TINAG: variants seen among roughly 807,000 people sequenced by gnomAD.
TINAG encodes tubulointerstitial nephritis antigen.
A neutral mutation model predicts 72.7 loss-of-function variants in TINAG; 83 were observed. That is an observed-to-expected ratio of 1.14 (90% confidence interval 0.96 to 1.37). The LOEUF is 1.37. Ranked by LOEUF, TINAG falls within the 40% of genes most tolerant of loss-of-function variation. The pLI, the probability that TINAG is intolerant of heterozygous loss-of-function variation, is 0.00. For missense variants in TINAG, 685 were observed against 576.6 expected (o/e 1.19, Z -1.93); for synonymous variants, 234 against 189.9 (o/e 1.23, Z -1.91).
intron 9 of TINAG, among the ~76,000 whole-genome samples, chr6:54,361,194 A>G (rs1299372168): frequency 6.6e-6 from 1 of 151,420 alleles, no homozygotes; most frequent in Non-Finnish European, 1.5e-5. Context: ...TCCCTTAGAC[A>G]CAACAATATT....
intron 9 of TINAG, among the ~76,000 whole-genome samples, chr6:54,361,535 C>A (rs1488059187): frequency 6.6e-6 from 1 of 151,666 alleles, no homozygotes; most frequent in South Asian, 2.1e-4. Flanking sequence ...AGGGGGAGAT[C>A]CACTCCTATG....
At chr6:54,365,049 T>C (rs1467177677) in intron 9 of TINAG, among the ~76,000 whole-genome samples, 1 of 151,556 alleles carries the variant, frequency 6.6e-6, no homozygotes, top group Admixed American at 6.6e-5. Context: ...CTAAGCTGAA[T>C]TTTCATGCTA....
chr6:54,363,051 C>A lies in TINAG; in HGVS notation c.1250+8415C>A, dbSNP rs527831226. 3.6e-4 allele frequency among the ~76,000 whole-genome samples: 55 copies of A among 151,614 alleles called. No homozygotes were observed. The South Asian group carries it at 0.011, about 31-fold the overall frequency. ...AGAAACGTCGCTGAGGAAGTAAAGT[C>A]TGAGCTGGGATTTATGGGTTGTATA... On this transcript the variant is annotated intron_variant, in intron 9 of 10. Transcript: ENST00000259782.
chr6:54,355,610 CTG>C (rs758278051), intron 9 of TINAG, among the ~76,000 whole-genome samples: 1 of 151,728 alleles, frequency 6.6e-6, no homozygotes, highest in East Asian at 2.0e-4. Context: ...AATTTTATGA[CTG>C]TGCTGATTTC....
intron 3 of TINAG, among the ~76,000 whole-genome samples, chr6:54,325,682 G>A (rs1784587373): frequency 6.6e-6 from 1 of 152,144 alleles, no homozygotes; most frequent in African/African-American, 2.4e-5. Flanking sequence ...CTGACCTGAT[G>A]TTTGAAAACT....
At position 54,322,663 on chromosome 6, in the gene TINAG, C is replaced by T. The variant is rs998621038; in HGVS notation, c.509+1277C>T. Among the ~76,000 whole-genome samples, 4 of 152,116 alleles carry T rather than the reference C, an allele frequency of 2.6e-5. No individual in the cohort carries two copies. In the South Asian group the frequency reaches 8.3e-4, roughly 32 times the overall value. Reference sequence around the variant, plus strand: ...ATGTATTCAAAGTTTTTTCTTGGAACATACAAAACATAGAAAGTCACATTT... The same window carrying T: ...ATGTATTCAAAGTTTTTTCTTGGAATATACAAAACATAGAAAGTCACATTT... On this transcript the variant is annotated intron_variant, in intron 3 of 10. Transcript: ENST00000259782.
At chr6:54,347,084 A>G (rs1785140519) in intron 5 of TINAG, among the ~76,000 whole-genome samples, 1 of 152,126 alleles carries the variant, frequency 6.6e-6, no homozygotes, top group South Asian at 2.1e-4. Flanking sequence ...TTCCTTAATG[A>G]GGAGTTCAGG....
At chr6:54,373,439 C>CT (rs1442204568) in intron 9 of TINAG, among the ~76,000 whole-genome samples, 1 of 152,074 alleles carries the variant, frequency 6.6e-6, no homozygotes, top group African/African-American at 2.4e-5. Context: ...TGATTCTACT[C>CT]TTTTTCTGCC....
chr6:54,327,557 GT>G lies in TINAG; in HGVS notation c.624+651del, dbSNP rs368218609. On this transcript the variant is annotated intron_variant, in intron 4 of 10. Coordinates refer to ENST00000259782, the MANE Select transcript of TINAG (RefSeq NM_014464.4). The stretch of plus-strand genomic sequence containing the variant: ...GGCAGACACTGAACTAGCTGCAGGA[GT>G]TTTTTTTTTCATACCCCAGTAGTGC... 2.8e-3 allele frequency among the ~76,000 whole-genome samples: 427 copies of G among 150,084 alleles called. 1 individual carries two copies. Among genetic ancestry groups the G allele is most frequent in the Non-Finnish European group, 4.5e-3 (306 of 67,284 alleles).
At chr6:54,349,583 C>T in intron 6 of TINAG, 133 bp from the exon 7 acceptor site, 1 of 680,706 alleles carries the variant, frequency 1.5e-6, no homozygotes, top group Non-Finnish European at 2.2e-6. Context: ...TGGAGTCACT[C>T]ACTATTTTGA....
intron 9 of TINAG, among the ~76,000 whole-genome samples, chr6:54,359,441 T>C (rs1763158217): frequency 6.6e-6 from 1 of 151,844 alleles, no homozygotes. Flanking sequence ...CCTCCTTTGA[T>C]TTATTAGAAC....
At chr6:54,343,387 T>C (rs773865739) in intron 5 of TINAG, 38 bp downstream of exon 5, 2 of 1,427,610 alleles carry the variant, frequency 1.4e-6, no homozygotes, top group African/African-American at 1.5e-5. Context: ...TATAAACTAC[T>C]CCTTTTGGCT....
chr6:54,380,511 T>C lies in TINAG; in HGVS notation c.1251-15T>C. The C allele has an allele frequency of 6.2e-7, 1 of 1,604,372 alleles. No homozygotes were observed. Among genetic ancestry groups the C allele is most frequent in the South Asian group, 1.1e-5 (1 of 90,076 alleles). The stretch of plus-strand genomic sequence containing the variant: ...TTTTAACCATACCAATCTTTATTAT[T>C]GTTATTAATTGTAGATGGGGCACAC... On this transcript the variant is annotated splice_polypyrimidine_tract_variant and intron_variant, in intron 9 of 10. Transcript: ENST00000259782.
intron 9 of TINAG, among the ~76,000 whole-genome samples, chr6:54,375,261 C>G (rs1763745610): frequency 6.6e-6 from 1 of 152,004 alleles, no homozygotes; most frequent in Non-Finnish European, 1.5e-5. Flanking sequence ...TTCAGAATTT[C>G]TTTTGGAAAT....
At chr6:54,334,668 C>T (rs1784818533) in intron 4 of TINAG, among the ~76,000 whole-genome samples, 1 of 152,172 alleles carries the variant, frequency 6.6e-6, no homozygotes, top group African/African-American at 2.4e-5. Context: ...TATTTATATT[C>T]ATAGACAGGC....
At chr6:54,371,525 TTATC>T (rs1478067123) in intron 9 of TINAG, among the ~76,000 whole-genome samples, 2 of 151,428 alleles carry the variant, frequency 1.3e-5, no homozygotes, top group East Asian at 4.0e-4. Flanking sequence ...TAATGAGTAT[TTATC>T]TATAATGTGA....
At chr6:54,310,617 C>T (rs1217860657) in intron 1 of TINAG, among the ~76,000 whole-genome samples, 1 of 138,770 alleles carries the variant, frequency 7.2e-6, no homozygotes, top group Non-Finnish European at 1.5e-5. Context: ...CTCTCTGTCT[C>T]TCTCCCCTTC....
At chr6:54,331,099 T>C (rs1784729377) in intron 4 of TINAG, among the ~76,000 whole-genome samples, 1 of 152,126 alleles carries the variant, frequency 6.6e-6, no homozygotes, top group Non-Finnish European at 1.5e-5. Flanking sequence ...CCTCCCTAAC[T>C]CATTTTATGA....
intron 1 of TINAG, among the ~76,000 whole-genome samples, chr6:54,318,842 C>T (rs117876916): frequency 3.0e-4 from 46 of 152,006 alleles, no homozygotes; most frequent in Non-Finnish European, 4.7e-4. Context: ...GACCGGGGTC[C>T]GAAGTAACTG....
Sources: gnomAD v4.1 joint callset for allele counts (sites outside exome capture counted in the v4.1 genomes callset) on GRCh38, gnomAD v4.1.1 for gene constraint, MANE v1.5 for transcripts, NCBI Gene and HGNC (gene_info 2026-07-23, HGNC 2026-07-21) for gene names.